Variants in MAPK4 observed in about 807,000 individuals in gnomAD.
MAPK4 encodes the protein mitogen-activated protein kinase 4.
Under a neutral mutation model 47.7 loss-of-function variants are expected in MAPK4, and 22 were observed. The observed-to-expected ratio is 0.46, with a 90% CI of 0.33 to 0.66. MAPK4 has a LOEUF of 0.66. MAPK4 is among the 30% of genes least tolerant of loss of function. The probability of loss-of-function intolerance (pLI) is 0.02; values close to 1 mark genes in which losing one functional copy is unlikely to be tolerated. For synonymous variants in MAPK4, 390 were observed against 365.7 expected (o/e 1.07, Z -0.76); for missense variants, 736 against 831.7 (o/e 0.88, Z 1.42).
At chr18:50,586,195 T>A (rs2042386474) in intron 1 of MAPK4, among the ~76,000 whole-genome samples, 1 of 152,228 alleles carries the variant, frequency 6.6e-6, no homozygotes, top group Admixed American at 6.5e-5. Context: ...TGACTTTCTA[T>A]GTCAGAAAAC....
intron 1 of MAPK4, among the ~76,000 whole-genome samples, chr18:50,602,615 G>C (rs939606253): frequency 3.3e-5 from 5 of 152,196 alleles, no homozygotes; most frequent in Admixed American, 3.3e-4. Flanking sequence ...ACATTCCAGA[G>C]GTAGTTATTC....
intron 1 of MAPK4, among the ~76,000 whole-genome samples, chr18:50,635,101 CAT>C (rs1309880137): frequency 6.6e-6 from 1 of 152,202 alleles, no homozygotes; most frequent in African/African-American, 2.4e-5. Context: ...TCTTACTAAT[CAT>C]TATATCTCCA....
At chr18:50,566,887 T>G (rs4939635) in intron 1 of MAPK4, among the ~76,000 whole-genome samples, 63,015 of 152,072 alleles carry the variant, frequency 0.41, 13,975 homozygotes, top group Non-Finnish European at 0.49. Flanking sequence ...CCCATTCGTA[T>G]TTTGCTGTGT....
intron 1 of MAPK4, among the ~76,000 whole-genome samples, chr18:50,589,604 A>G (rs543141832): frequency 6.6e-6 from 1 of 152,178 alleles, no homozygotes; most frequent in African/African-American, 2.4e-5. Flanking sequence ...TCAAAAAAAA[A>G]AAAAAAAAAT....
intron 1 of MAPK4, among the ~76,000 whole-genome samples, chr18:50,575,792 C>CAAAAAAAAA (rs540138636): frequency 5.7e-5 from 4 of 70,130 alleles, no homozygotes; most frequent in African/African-American, 1.1e-4. Context: ...AATCAACAAG[C>CAAAAAAAAA]AAAAAAAAAA....
At chr18:50,611,972 A>G (rs929537407) in intron 1 of MAPK4, among the ~76,000 whole-genome samples, 1 of 152,194 alleles carries the variant, frequency 6.6e-6, no homozygotes. Context: ...AAACCCCAGG[A>G]ACCTGAAATG....
Position 50,594,816 on chromosome 18 carries a change from T to C in MAPK4, c.-871+34573T>C, listed in dbSNP as rs1461468638. The stretch of plus-strand genomic sequence containing the variant: ...GCAATCCATAGGCTAGCAGGAAATA[T>C]TTGTAATACATAAAAATCAGGCCTT... On this transcript the variant is annotated intron_variant, in intron 1 of 5. Coordinates refer to ENST00000400384, the MANE Select transcript of MAPK4 (RefSeq NM_002747.4). Among the ~76,000 whole-genome samples, 4 of 152,204 alleles carry C rather than the reference T, an allele frequency of 2.6e-5. No individual in the cohort carries two copies. The East Asian group carries it at 7.7e-4, about 29-fold the overall frequency.
intron 1 of MAPK4, among the ~76,000 whole-genome samples, chr18:50,564,372 C>T (rs1432550761): frequency 6.6e-6 from 1 of 152,190 alleles, no homozygotes; most frequent in Non-Finnish European, 1.5e-5. Flanking sequence ...GCATCCCTGG[C>T]CTCTACCCCC....
At chr18:50,727,571 C>T (rs1054259440) in intron 5 of MAPK4, among the ~76,000 whole-genome samples, 4 of 152,202 alleles carry the variant, frequency 2.6e-5, no homozygotes, top group Non-Finnish European at 5.9e-5. Flanking sequence ...GCGGCAGCTT[C>T]CCCTTCCTCC....
intron 1 of MAPK4, among the ~76,000 whole-genome samples, chr18:50,565,715 TACTG>T (rs201724114): frequency 0.011 from 1,693 of 152,376 alleles, 15 homozygotes; most frequent in Middle Eastern, 0.017. Flanking sequence ...GGTGTACAGA[TACTG>T]ACCACTGTGA....
At chr18:50,586,885 G>C (rs976444591) in intron 1 of MAPK4, among the ~76,000 whole-genome samples, 2 of 151,816 alleles carry the variant, frequency 1.3e-5, no homozygotes, top group Non-Finnish European at 2.9e-5. Flanking sequence ...GATTTTGGGG[G>C]CTCTGATTTA....
intron 2 of MAPK4, among the ~76,000 whole-genome samples, chr18:50,710,106 C>T (rs750132379): frequency 6.6e-6 from 1 of 152,146 alleles, no homozygotes; most frequent in Non-Finnish European, 1.5e-5. Context: ...GGAAAAGCAA[C>T]CCTTCCCACC....
intron 1 of MAPK4, among the ~76,000 whole-genome samples, chr18:50,658,232 T>C (rs1598877263): frequency 6.6e-6 from 1 of 152,350 alleles, no homozygotes; most frequent in Admixed American, 6.5e-5. Context: ...GGCTGCCTCT[T>C]GCTTTAATTT....
chr18:50,653,934 C>T (rs879581366), intron 1 of MAPK4, among the ~76,000 whole-genome samples: 7 of 152,162 alleles, frequency 4.6e-5, no homozygotes, highest in Middle Eastern at 3.2e-3. Flanking sequence ...ACATGGGCTC[C>T]GACTGAGTGC....
chr18:50,575,341 A>G (rs1329657463), intron 1 of MAPK4, among the ~76,000 whole-genome samples: 1 of 152,164 alleles, frequency 6.6e-6, no homozygotes, highest in South Asian at 2.1e-4. Context: ...TTCTTTATAA[A>G]TGACCCAGTC....
intron 1 of MAPK4, among the ~76,000 whole-genome samples, chr18:50,596,165 C>T (rs989799282): frequency 5.3e-5 from 8 of 152,110 alleles, no homozygotes; most frequent in African/African-American, 1.7e-4. Context: ...TATTGTCATC[C>T]GCATTTTCTC....
chr18:50,568,099 G>A (rs2042217080), intron 1 of MAPK4, among the ~76,000 whole-genome samples: 1 of 151,736 alleles, frequency 6.6e-6, no homozygotes, highest in African/African-American at 2.4e-5. Flanking sequence ...GGGAGGCTGA[G>A]GCAGGAGAAT....
At chr18:50,676,509 T>C (rs1406326130) in intron 2 of MAPK4, among the ~76,000 whole-genome samples, 2 of 152,258 alleles carry the variant, frequency 1.3e-5, no homozygotes, top group African/African-American at 2.4e-5. Flanking sequence ...TCAGGGACAC[T>C]GTAATATCCT....
chr18:50,694,008 G>A (rs779090757), intron 2 of MAPK4, among the ~76,000 whole-genome samples: 3 of 152,250 alleles, frequency 2.0e-5, no homozygotes, highest in African/African-American at 4.8e-5. Flanking sequence ...GCACAGGGCT[G>A]TGGCTTCTTG....
Sources: allele counts gnomAD v4.1 joint callset (sites outside exome capture counted in the v4.1 genomes callset), GRCh38; gene constraint gnomAD v4.1.1; transcripts MANE v1.5; gene names NCBI Gene and HGNC (gene_info 2026-07-23, HGNC 2026-07-21).